The following CC2D2A variants were observed in gnomAD, a reference collection of about 807,000 sequenced individuals.
CC2D2A encodes coiled-coil and C2 domain containing 2A.
Under a neutral mutation model 212.9 loss-of-function variants are expected in CC2D2A, and 155 were observed. That is an observed-to-expected ratio of 0.73 (90% CI 0.64 to 0.83). The LOEUF (loss-of-function observed/expected upper bound fraction) is 0.83. Ranked by LOEUF, CC2D2A falls within the 40% of genes least tolerant of loss-of-function variation. The probability of loss-of-function intolerance (pLI) is 0.00; values close to 1 mark genes in which losing one functional copy is unlikely to be tolerated. For synonymous variants in CC2D2A, 667 were observed against 686.5 expected (o/e 0.97, Z 0.44); for missense variants, 1,856 against 1,956.2 (o/e 0.95, Z 0.97).
chr4:15,557,438 G>A lies in CC2D2A; in HGVS notation c.2760G>A (p.Glu920=). ...GGCTTCTTCATCTTAGAAGCCAAGA[G>A]GTGCCAGAATTCCGAAATTATAAGC... ...RFRLLHLRSQ[E]VPEFRNYKQV... Residue 920 remains glutamate (E), a synonymous_variant, in exon 21 of 37, where the codon GAG becomes GAA. Coordinates refer to ENST00000424120, the MANE Select transcript of CC2D2A (RefSeq NM_001378615.1). The A allele has an allele frequency of 1.2e-6, 2 of 1,613,200 alleles. No individual in the cohort carries two copies. Among genetic ancestry groups the A allele is most frequent in the Non-Finnish European group, 1.7e-6 (2 of 1,179,586 alleles).
In CC2D2A at chr4:15,596,084, G is replaced by C; in HGVS notation, c.4315-1G>C. 6.5e-7 allele frequency: 1 copy of C among 1,543,604 alleles called. No homozygotes were observed. The highest frequency in any genetic ancestry group is 1.2e-5 in the South Asian group (1 of 82,760). ...TGCTAATGTAGTCTTGTCTTTCTTA[G>C]ATTTGGTTTAATATTCAACGATATG... On this transcript the variant is annotated splice_acceptor_variant, in intron 33 of 36. Coordinates refer to ENST00000424120, the MANE Select transcript of CC2D2A (RefSeq NM_001378615.1). LOFTEE classifies it high-confidence loss of function.
chr4:15,540,106 C>T (rs1249089396), intron 16 of CC2D2A, among the ~76,000 whole-genome samples: 2 of 152,090 alleles, frequency 1.3e-5, no homozygotes, highest in Non-Finnish European at 2.9e-5. Context: ...CACAATGGAA[C>T]AATTTTTAAT....
chr4:15,532,125 G>C (rs1717879237), intron 13 of CC2D2A, among the ~76,000 whole-genome samples: 1 of 152,014 alleles, frequency 6.6e-6, no homozygotes, highest in Non-Finnish European at 1.5e-5. Context: ...TGTGTAGTCT[G>C]GTTGCAACAA....
intron 4 of CC2D2A, 47 bp from the exon 5 acceptor site, chr4:15,502,381 CT>C (rs796931318): frequency 1.6e-4 from 228 of 1,426,072 alleles, no homozygotes; most frequent in Admixed American, 5.2e-4. Flanking sequence ...TTTTTCTTTT[CT>C]TTTTCTTTTT....
At chr4:15,525,059 C>T in intron 11 of CC2D2A, among the ~76,000 whole-genome samples, 1 of 152,212 alleles carries the variant, frequency 6.6e-6, no homozygotes, top group East Asian at 1.9e-4. Flanking sequence ...CCAATGACTA[C>T]TAAGTGTCCT....
chr4:15,601,192 A>C (rs537592969), intron 36 of CC2D2A, 45 bp from the exon 37 acceptor site: 8 of 1,477,342 alleles, frequency 5.4e-6, no homozygotes, highest in South Asian at 1.2e-5. Flanking sequence ...AAATGTATTA[A>C]ATCTTCAAAC....
intron 4 of CC2D2A, among the ~76,000 whole-genome samples, chr4:15,500,931 C>T (rs1245550665): frequency 6.6e-6 from 1 of 152,114 alleles, no homozygotes; most frequent in Non-Finnish European, 1.5e-5. Context: ...CAGTCTGGCC[C>T]CTCTCCCAGA....
chr4:15,485,195 G>A (rs932131484), intron 4 of CC2D2A, among the ~76,000 whole-genome samples: 1 of 152,196 alleles, frequency 6.6e-6, no homozygotes, highest in Non-Finnish European at 1.5e-5. Flanking sequence ...CAGATCAATT[G>A]TTTTAGCTCC....
chr4:15,596,041 T>G (rs1721304632), intron 33 of CC2D2A, 44 bp from the exon 34 acceptor site: 2 of 1,447,942 alleles, frequency 1.4e-6, no homozygotes, highest in East Asian at 5.1e-5. Context: ...CATGTGCATG[T>G]ATACATGCTA....
intron 20 of CC2D2A, among the ~76,000 whole-genome samples, chr4:15,555,874 C>G (rs971421977): frequency 4.6e-5 from 7 of 152,342 alleles, no homozygotes; most frequent in African/African-American, 1.7e-4. Flanking sequence ...AGAGAGGAAG[C>G]TGAGTTCAGA....
chr4:15,551,472 T>A (rs1719004058), intron 18 of CC2D2A, among the ~76,000 whole-genome samples: 1 of 152,216 alleles, frequency 6.6e-6, no homozygotes, highest in Non-Finnish European at 1.5e-5. Flanking sequence ...TTACCTTTGC[T>A]GTCTTTTTCT....
chr4:15,560,641 A>G lies in CC2D2A; in HGVS notation c.3014+19A>G. ...ATATCAGGTAAAAATAATCAAAGCC[A>G]TTATTATCAATTCTTATAAAAATTA... On this transcript the variant is annotated intron_variant, in intron 23 of 36. Transcript: ENST00000424120. The G allele has an allele frequency of 1.0e-6, 1 of 989,082 alleles. No homozygotes were observed. The highest frequency in any genetic ancestry group is 1.6e-5 in the South Asian group (1 of 62,608). 61.3% of individuals were successfully genotyped at this position (989,082 alleles called of 1,614,324 possible). A position where few individuals can be genotyped will look rare whatever the true frequency, so the allele number is the denominator to read the frequency against.
rs1450279703 is a variant in CC2D2A at position 15,516,626 on chromosome 4, A to C, written c.1019A>C (p.Glu340Ala). The C allele has an allele frequency of 2.5e-6, 4 of 1,611,406 alleles. No homozygotes were observed. The African/African-American group carries it at 5.3e-5, about 22-fold the overall frequency. ...MENRLLMQDP[E>A]RRWFGDDGRI... Reference sequence around the variant, plus strand: ...CCATTCCCTCTGCTTCATCTACAGGAAAGAAGATGGTTTGGAGATGACGGC... The same window carrying C: ...CCATTCCCTCTGCTTCATCTACAGGCAAGAAGATGGTTTGGAGATGACGGC... The change falls in exon 11 of 37, where the codon GAA (glutamate) becomes GCA (alanine). Residue 340 changes from glutamate (E) to alanine (A), a missense_variant and splice_region_variant. By Grantham distance (107) the Glu-to-Ala change is moderately radical (BLOSUM62 -1). Coordinates refer to ENST00000424120, the MANE Select transcript of CC2D2A (RefSeq NM_001378615.1).
At position 15,537,047 on chromosome 4, in the gene CC2D2A, C is replaced by A; in HGVS notation, c.1735C>A (p.Gln579Lys). ...QKMEEYRTSL[Q>K]QWKAWRKVQR... ...GATGGAAGAATACAGAACGTCGTTACAACAGTGGAAGGCCTGGAGGAAAGT... is the reference window on the plus strand; with the variant it reads ...GATGGAAGAATACAGAACGTCGTTAAAACAGTGGAAGGCCTGGAGGAAAGT... The change falls in exon 15 of 37, where the codon CAA becomes AAA. Residue 579 changes from glutamine (Q) to lysine (K), a missense_variant. Coordinates refer to ENST00000424120, the MANE Select transcript of CC2D2A (RefSeq NM_001378615.1). 6.2e-7 allele frequency: 1 copy of A among 1,613,516 alleles called. No individual in the cohort carries two copies. The highest frequency in any genetic ancestry group is 8.5e-7 in the Non-Finnish European group (1 of 1,179,594).
intron 36 of CC2D2A, among the ~76,000 whole-genome samples, chr4:15,600,757 C>A (rs1263565674): frequency 6.6e-6 from 1 of 151,776 alleles, no homozygotes; most frequent in African/African-American, 2.4e-5. Context: ...CAAAAAGTAG[C>A]CAGGATGGTG....
intron 4 of CC2D2A, among the ~76,000 whole-genome samples, chr4:15,491,715 T>C (rs1715313603): frequency 2.6e-5 from 4 of 152,226 alleles, no homozygotes; most frequent in Admixed American, 2.6e-4. Context: ...ATTTACATTT[T>C]CTACTCATTT....
rs1225020299 is a variant in CC2D2A, at chr4:15,582,245, T to C, written c.3975+2074T>C. Among the ~76,000 whole-genome samples, 13 of 152,066 alleles carry C rather than the reference T, an allele frequency of 8.5e-5. 1 individual carries two copies. The highest frequency in any genetic ancestry group is 7.2e-4 in the Admixed American group (11 of 15,266). On this transcript the variant is annotated intron_variant, in intron 30 of 36. Coordinates refer to ENST00000424120, the MANE Select transcript of CC2D2A (RefSeq NM_001378615.1). ...ACAGTTAAATAAGAGGTAAATTACA[T>C]ACAGTTAAATATAAAGAGAATTATT...
intron 4 of CC2D2A, among the ~76,000 whole-genome samples, chr4:15,491,579 AT>A (rs1715305561): frequency 6.6e-6 from 1 of 152,074 alleles, no homozygotes; most frequent in Admixed American, 6.5e-5. Context: ...TAATGTTTGT[AT>A]TTTTAGTAGA....
intron 4 of CC2D2A, among the ~76,000 whole-genome samples, chr4:15,495,357 C>T (rs1715554749): frequency 6.6e-6 from 1 of 152,220 alleles, no homozygotes; most frequent in African/African-American, 2.4e-5. Context: ...AATCCTCTCA[C>T]CTCGGCCTCT....
Sources: gnomAD v4.1 joint callset for allele counts (sites outside exome capture counted in the v4.1 genomes callset) on GRCh38, gnomAD v4.1.1 for gene constraint, MANE v1.5 for transcripts, NCBI Gene and HGNC (gene_info 2026-07-23, HGNC 2026-07-21) for gene names.